Variants in LRRC4C observed in about 807,000 individuals in gnomAD.
LRRC4C encodes the protein leucine-rich repeat-containing protein 4C.
LRRC4C carries 5 observed loss-of-function variants against 33.6 expected under a neutral mutation model. That is an observed-to-expected ratio of 0.15 (90% CI 0.08 to 0.31). The LOEUF (loss-of-function observed/expected upper bound fraction) is 0.31. LRRC4C is among the 10% of genes least tolerant of loss of function. The pLI is 1.00. For missense variants in LRRC4C, 560 were observed against 796.7 expected (o/e 0.70, Z 3.58); for synonymous variants, 329 against 302.0 (o/e 1.09, Z -0.93).
At chr11:40,633,331 TTC>T (rs1242673616) in intron 3 of LRRC4C, among the ~76,000 whole-genome samples, 25 of 18,786 alleles carry the variant, frequency 1.3e-3, no homozygotes, top group African/African-American at 3.9e-3. Flanking sequence ...TTCTTTTTCT[TTC>T]TTTCTTTCTT....
At chr11:40,547,026 C>A (rs1444764640) in intron 3 of LRRC4C, among the ~76,000 whole-genome samples, 1 of 152,150 alleles carries the variant, frequency 6.6e-6, no homozygotes, top group African/African-American at 2.4e-5. Context: ...TTTTACACAG[C>A]CTTCGCTGTA....
intron 1 of LRRC4C, among the ~76,000 whole-genome samples, chr11:41,314,448 A>G (rs1272720520): frequency 6.6e-6 from 1 of 152,344 alleles, no homozygotes; most frequent in East Asian, 1.9e-4. Context: ...TTTTATAGAA[A>G]GAGAATTTAA....
chr11:41,437,211 C>T (rs1300074617), intron 1 of LRRC4C, among the ~76,000 whole-genome samples: 1 of 152,154 alleles, frequency 6.6e-6, no homozygotes, highest in African/African-American at 2.4e-5. Flanking sequence ...ATTGATTCAC[C>T]TCTGAAAATA....
At chr11:40,431,398 A>AAG (rs1184541488) in intron 3 of LRRC4C, among the ~76,000 whole-genome samples, 1 of 151,144 alleles carries the variant, frequency 6.6e-6, no homozygotes, top group African/African-American at 2.4e-5. Flanking sequence ...CTGTCTCAAA[A>AAG]AAAAAAAAAA....
At chr11:40,716,090 A>G (rs1263929070) in intron 2 of LRRC4C, among the ~76,000 whole-genome samples, 2 of 152,114 alleles carry the variant, frequency 1.3e-5, no homozygotes, top group African/African-American at 4.8e-5. Context: ...AAATCATAAT[A>G]TATGATTCTA....
At chr11:40,227,699 T>C (rs901751877) in intron 5 of LRRC4C, among the ~76,000 whole-genome samples, 7 of 151,968 alleles carry the variant, frequency 4.6e-5, no homozygotes, top group Non-Finnish European at 8.8e-5. Context: ...GTAGAAACCA[T>C]GGGTGCTAAA....
intron 2 of LRRC4C, among the ~76,000 whole-genome samples, chr11:40,803,716 AC>A (rs1287059882): frequency 1.3e-5 from 2 of 151,992 alleles, no homozygotes; most frequent in African/African-American, 4.8e-5. Context: ...CTCGTGGTCC[AC>A]CCGCCTCGGC....
chr11:41,405,583 T>G lies in LRRC4C; in HGVS notation c.-496+53848A>C, dbSNP rs137961365. On this transcript the variant is annotated intron_variant, in intron 1 of 6. Transcript: ENST00000528697. ...GTAAAGGAGAAGAAACTAAAGGATA[T>G]AAAGAGTAGTTTACTTTCTTCTGAT... Among the ~76,000 whole-genome samples the G allele has an allele frequency of 5.6e-3, 854 of 152,248 alleles. 3 individuals are homozygous for G. The highest frequency in any genetic ancestry group is 0.017 in the Middle Eastern group (5 of 294).
At chr11:40,505,422 C>T (rs1954985021) in intron 3 of LRRC4C, among the ~76,000 whole-genome samples, 1 of 152,190 alleles carries the variant, frequency 6.6e-6, no homozygotes, top group Non-Finnish European at 1.5e-5. Context: ...TCAGGTCTTA[C>T]TTTTCCAGAC....
At chr11:40,716,411 T>G (rs1200772090) in intron 2 of LRRC4C, among the ~76,000 whole-genome samples, 4 of 152,182 alleles carry the variant, frequency 2.6e-5, no homozygotes, top group Non-Finnish European at 5.9e-5. Flanking sequence ...AATCAGTTTT[T>G]CATGCTGGTA....
rs1312602831 is a variant in LRRC4C at position 40,506,106 on chromosome 11, C to T, written c.-270+142036G>A. The stretch of plus-strand genomic sequence containing the variant: ...TTCTATGTTTACAAAGGTAGTCATA[C>T]ATTCCCTATGCTCTTCATTTGAACT... On this transcript the variant is annotated intron_variant, in intron 3 of 6. Coordinates refer to ENST00000528697, the MANE Select transcript of LRRC4C (RefSeq NM_001258419.2). Among the ~76,000 whole-genome samples, 3 of 152,262 alleles carry T rather than the reference C, an allele frequency of 2.0e-5. No homozygotes were observed. In the East Asian group the frequency reaches 5.8e-4, roughly 29 times the overall value.
At chr11:40,249,149 C>T (rs1328024653) in intron 4 of LRRC4C, among the ~76,000 whole-genome samples, 5 of 152,074 alleles carry the variant, frequency 3.3e-5, no homozygotes, top group African/African-American at 9.7e-5. Flanking sequence ...ACCAGACTGG[C>T]CAACATGGTG....
intron 5 of LRRC4C, among the ~76,000 whole-genome samples, chr11:40,163,443 A>T (rs1859330674): frequency 6.6e-6 from 1 of 152,180 alleles, no homozygotes; most frequent in African/African-American, 2.4e-5. Context: ...AAATATCTAG[A>T]CTATGAAGAC....
intron 2 of LRRC4C, among the ~76,000 whole-genome samples, chr11:40,768,316 A>T (rs1393513296): frequency 6.6e-6 from 1 of 152,074 alleles, no homozygotes; most frequent in Non-Finnish European, 1.5e-5. Flanking sequence ...GATTAAAGAT[A>T]TAATAACAAG....
chr11:40,403,220 A>C (rs1169169850), intron 3 of LRRC4C, among the ~76,000 whole-genome samples: 1 of 152,060 alleles, frequency 6.6e-6, no homozygotes, highest in Non-Finnish European at 1.5e-5. Context: ...CATGACCTCT[A>C]CTCTGCACCA....
chr11:40,688,230 G>A (rs1265518845), intron 2 of LRRC4C, among the ~76,000 whole-genome samples: 1 of 152,164 alleles, frequency 6.6e-6, no homozygotes, highest in East Asian at 1.9e-4. Context: ...CCAGACAGCA[G>A]TTAGGTGTGT....
intron 1 of LRRC4C, among the ~76,000 whole-genome samples, chr11:41,256,347 C>T (rs1948799285): frequency 6.6e-6 from 1 of 152,000 alleles, no homozygotes; most frequent in Admixed American, 6.6e-5. Context: ...TCTTACTCTC[C>T]TGAACCTTAT....
intron 3 of LRRC4C, among the ~76,000 whole-genome samples, chr11:40,434,768 A>G (rs1288650611): frequency 6.6e-6 from 1 of 152,196 alleles, no homozygotes; most frequent in Non-Finnish European, 1.5e-5. Flanking sequence ...CATCTGAACA[A>G]TTGTGACTAA....
Position 40,952,506 on chromosome 11 carries a change from T to A in LRRC4C, c.-495-18783A>T, listed in dbSNP as rs112798645. Among the ~76,000 whole-genome samples the A allele has an allele frequency of 6.6e-4, 100 of 152,068 alleles. 1 individual carries two copies. The highest frequency in any genetic ancestry group is 2.3e-3 in the African/African-American group (95 of 41,512). On this transcript the variant is annotated intron_variant, in intron 1 of 6. Coordinates refer to ENST00000528697, the MANE Select transcript of LRRC4C (RefSeq NM_001258419.2). ...CTTTTAATCTTGTCTTTACTTTTTCTAGAATTAAGATGTTGCTATATTTGA... is the reference window on the plus strand; with the variant it reads ...CTTTTAATCTTGTCTTTACTTTTTCAAGAATTAAGATGTTGCTATATTTGA...
Sources: allele counts gnomAD v4.1 joint callset (sites outside exome capture counted in the v4.1 genomes callset), GRCh38; gene constraint gnomAD v4.1.1; transcripts MANE v1.5; gene names NCBI Gene and HGNC (gene_info 2026-07-23, HGNC 2026-07-21).